Variants in ZNF287 observed in about 807,000 individuals in gnomAD.
ZNF287 encodes zinc finger protein 287, also known as zinc finger protein with KRAB and SCAN domains 13.
A neutral mutation model predicts 73.7 loss-of-function variants in ZNF287; 31 were observed. That is an observed-to-expected ratio of 0.42 (90% CI 0.32 to 0.57). The LOEUF is 0.57. Ranked by LOEUF, ZNF287 falls within the 20% of genes least tolerant of loss-of-function variation. The pLI, the probability that ZNF287 is intolerant of heterozygous loss-of-function variation, is 0.13. For missense variants in ZNF287, 641 were observed against 909.3 expected, an observed-to-expected ratio of 0.70 and a Z score of 3.79; for synonymous variants, 301 against 307.2, an observed-to-expected ratio of 0.98 and a Z score of 0.21.
At chr17:16,555,747 T>C (rs922338503) in intron 5 of ZNF287, among the ~76,000 whole-genome samples, 1 of 152,166 alleles carries the variant, frequency 6.6e-6, no homozygotes, top group Non-Finnish European at 1.5e-5. Context: ...TATAATTACT[T>C]AACACAAAAT....
At chr17:16,559,258 AT>A (rs1907267651) in intron 5 of ZNF287, 1 of 152,068 alleles carries the variant, frequency 6.6e-6, no homozygotes. Flanking sequence ...ATACTCAAAA[AT>A]GTAAATTAAA....
chr17:16,559,954 A>ATT (rs1345466402), intron 5 of ZNF287, among the ~76,000 whole-genome samples: 39 of 152,024 alleles, frequency 2.6e-4, no homozygotes, highest in African/African-American at 9.4e-4. Flanking sequence ...ATATATATAT[A>ATT]TATTTTTCTT....
chr17:16,560,590 C>T (rs1287633844), intron 5 of ZNF287, among the ~76,000 whole-genome samples: 11 of 151,850 alleles, frequency 7.2e-5, no homozygotes, highest in East Asian at 1.9e-4. Flanking sequence ...CTTCGTGATC[C>T]GCCCACCTTG....
chr17:16,561,742 G>A (rs1160295831), intron 5 of ZNF287, among the ~76,000 whole-genome samples: 2 of 151,912 alleles, frequency 1.3e-5, no homozygotes, highest in African/African-American at 2.4e-5. Context: ...AAAGAAAAAA[G>A]GCTGGGCAAC....
At chr17:16,568,406 G>A (rs924896936) in intron 1 of ZNF287, among the ~76,000 whole-genome samples, 1 of 152,150 alleles carries the variant, frequency 6.6e-6, no homozygotes, top group Non-Finnish European at 1.5e-5. Context: ...GCATGTTAAT[G>A]CCAGCCGATT....
Position 16,552,763 on chromosome 17 carries a change from T to C in ZNF287, c.1379A>G (p.Asp460Gly). The C allele has an allele frequency of 6.2e-7, 1 of 1,613,730 alleles. No individual in the cohort carries two copies. Among genetic ancestry groups the C allele is most frequent in the Non-Finnish European group, 8.5e-7 (1 of 1,179,850 alleles). Reference protein sequence around the residue: ...KPYKCDDCGKDFSQRAHLTIH... With the variant: ...KPYKCDDCGKGFSQRAHLTIH... ...GGTAAGGTGTGCACGCTGACTGAAG[T>C]CTTTCCCACAGTCATCACACTTATA... The change falls in exon 6 of 6, where the codon GAC becomes GGC. Residue 460 changes from aspartate (D) to glycine (G), a missense_variant. Coordinates refer to ENST00000395825, the MANE Select transcript of ZNF287 (RefSeq NM_020653.4). The surrounding 1 kb of genome is among the most constrained non-coding windows in gnomAD (Gnocchi z 6.5).
chr17:16,564,113 T>G lies in ZNF287; in HGVS notation c.502-288A>C, dbSNP rs541925467. Among the ~76,000 whole-genome samples, 7 of 152,334 alleles carry G rather than the reference T, an allele frequency of 4.6e-5. No individual in the cohort carries two copies. The East Asian group carries it at 1.3e-3, about 29-fold the overall frequency. On this transcript the variant is annotated intron_variant, in intron 3 of 5. Coordinates refer to ENST00000395825, the MANE Select transcript of ZNF287 (RefSeq NM_020653.4). ...ACAGAAAAGGTTTATCATTACTATT[T>G]TTAAAAGAGACAGAGTCTCGCTCTG...
chr17:16,555,348 C>T (rs367877034), intron 5 of ZNF287, among the ~76,000 whole-genome samples: 2 of 152,110 alleles, frequency 1.3e-5, no homozygotes, highest in Non-Finnish European at 2.9e-5. Context: ...GTCATACATG[C>T]AGTTTGTTGT....
chr17:16,563,794 T>C lies in ZNF287; in HGVS notation c.533A>G (p.Asp178Gly). The change falls in exon 4 of 6, where the codon GAC becomes GGC. Residue 178 changes from aspartate (D) to glycine (G), a missense_variant. By Grantham distance (94) the Asp-to-Gly change is moderately conservative. Around this residue, in one of 2 missense-constraint regions of ZNF287, gnomAD observed 357 missense variants for 442.4 expected, o/e 0.81. Transcript: ENST00000395825. ...ESMTFKDVAV[D>G]ITQEDWELMR... ...TAACTCCCAGTCCTCCTGGGTGATGTCTACAGCCACATCTTTGAATGTCAT... is the reference window on the plus strand; with the variant it reads ...TAACTCCCAGTCCTCCTGGGTGATGCCTACAGCCACATCTTTGAATGTCAT... 1 of 1,613,946 alleles carries C rather than the reference T, an allele frequency of 6.2e-7. No homozygotes were observed. Among genetic ancestry groups the C allele is most frequent in the Non-Finnish European group, 8.5e-7 (1 of 1,179,872 alleles).
intron 5 of ZNF287, among the ~76,000 whole-genome samples, chr17:16,556,165 G>GACACACACACACACACACACAC (rs137989045): frequency 7.7e-4 from 111 of 144,304 alleles, no homozygotes; most frequent in African/African-American, 2.7e-3. Flanking sequence ...GACAGACACA[G>GACACACACACACACACACACAC]ACACACACAC....
rs1012532863 is a variant in ZNF287, at chr17:16,568,984, A to C, written c.-231T>G. ...TGGGACCCGGCCGACGGGCAGCCGG[A>C]GCGGCCCTAAGGCCACAGGCAACAA... On this transcript the variant is annotated 5_prime_UTR_variant, in exon 1 of 6. Coordinates refer to ENST00000395825, the MANE Select transcript of ZNF287 (RefSeq NM_020653.4). 6.6e-5 allele frequency: 10 copies of C among 152,316 alleles called. No homozygotes were observed. Among genetic ancestry groups the C allele is most frequent in the African/African-American group, 2.4e-4 (10 of 41,448 alleles). 9.4% of individuals were successfully genotyped at this position (152,316 alleles called of 1,614,324 possible). A position where few individuals can be genotyped will look rare whatever the true frequency, so the allele number is the denominator to read the frequency against.
At chr17:16,561,191 C>G (rs1309741707) in intron 5 of ZNF287, among the ~76,000 whole-genome samples, 7 of 151,850 alleles carry the variant, frequency 4.6e-5, no homozygotes, top group Non-Finnish European at 8.8e-5. Context: ...GCACATGCCT[C>G]TAATCCCAGC....
At position 16,551,211 on chromosome 17, in the gene ZNF287, T is replaced by C. The variant is rs553821456; in HGVS notation, c.*645A>G. On this transcript the variant is annotated 3_prime_UTR_variant, in exon 6 of 6. Coordinates refer to ENST00000395825, the MANE Select transcript of ZNF287 (RefSeq NM_020653.4). ...TTTACATATTTTAAGGCTTCAAAGC[T>C]GGGAATAAAAGGCCTGAAAGCAGCT... Among the ~76,000 whole-genome samples the C allele has an allele frequency of 5.2e-4, 79 of 152,198 alleles. No homozygotes were observed. The highest frequency in any genetic ancestry group is 1.6e-3 in the African/African-American group (65 of 41,532).
chr17:16,566,462 G>A (rs1009787292), intron 3 of ZNF287, 63 bp downstream of exon 3: 2 of 1,397,440 alleles, frequency 1.4e-6, no homozygotes, highest in African/African-American at 2.9e-5. Context: ...ATAGGGCCAG[G>A]TCAGAAAATG....
chr17:16,553,168 G>A lies in ZNF287; in HGVS notation c.974C>T (p.Ser325Leu). 1 of 1,606,864 alleles carries A rather than the reference G, an allele frequency of 6.2e-7. No homozygotes were observed. The highest frequency in any genetic ancestry group is 8.5e-7 in the Non-Finnish European group (1 of 1,173,728). The change falls in exon 6 of 6, where the codon TCA becomes TTA. Residue 325 changes from serine (S) to leucine (L), a missense_variant. Physicochemically the swap from Ser to Leu is moderately radical, Grantham distance 145 (BLOSUM62 -2). Around this residue, in one of 2 missense-constraint regions of ZNF287, gnomAD observed 357 missense variants for 442.4 expected, o/e 0.81. Transcript: ENST00000395825. ...GGTATCAAACTGTACAATTAGGTTT[G>A]AATGCTTTTCAAAATTATTTCTATA... ...DIYRNNFEKH[S>L]NLIVQFDTQL...
chr17:16,553,475 A>G (rs1183173099), intron 5 of ZNF287, 49 bp from the exon 6 acceptor site: 10 of 1,351,524 alleles, frequency 7.4e-6, no homozygotes. Flanking sequence ...GGAGAAAGGA[A>G]ACTGCCAAAA....
intron 5 of ZNF287, among the ~76,000 whole-genome samples, chr17:16,554,962 G>A (rs1194717541): frequency 6.7e-6 from 1 of 148,524 alleles, no homozygotes; most frequent in Non-Finnish European, 1.5e-5. Flanking sequence ...AATTATGTAG[G>A]AAATTGCCTT....
At position 16,553,243 on chromosome 17, in the gene ZNF287, A is replaced by G; in HGVS notation, c.899T>C (p.Leu300Pro). The change falls in exon 6 of 6, where the codon CTT becomes CCT. Residue 300 changes from leucine to proline, a missense_variant. Coordinates refer to ENST00000395825, the MANE Select transcript of ZNF287 (RefSeq NM_020653.4). ...TTCTGTAGGATCATATTCTTGTGAA[A>G]GGACTGACTTCAAACTGAAACCTCT... ...DERGFSLKSV[L>P]SQEYDPTEEC... 1 of 1,612,700 alleles carries G rather than the reference A, an allele frequency of 6.2e-7. No homozygotes were observed. The highest frequency in any genetic ancestry group is 8.5e-7 in the Non-Finnish European group (1 of 1,178,838).
In ZNF287 at chr17:16,553,158, A is replaced by G; in HGVS notation, c.984T>C (p.Ile328=). 7 of 1,608,564 alleles carry G rather than the reference A, an allele frequency of 4.4e-6. No homozygotes were observed. Among genetic ancestry groups the G allele is most frequent in the Non-Finnish European group, 6.0e-6 (7 of 1,175,060 alleles). Reference sequence around the variant, plus strand: ...TATCTAATTGGGTATCAAACTGTACAATTAGGTTTGAATGCTTTTCAAAAT... The same window carrying G: ...TATCTAATTGGGTATCAAACTGTACGATTAGGTTTGAATGCTTTTCAAAAT... ...RNNFEKHSNL[I]VQFDTQLDNK... Residue 328 remains isoleucine (I), a synonymous_variant, in exon 6 of 6, where the codon ATT becomes ATC. Coordinates refer to ENST00000395825, the MANE Select transcript of ZNF287 (RefSeq NM_020653.4).
Sources: allele counts gnomAD v4.1 joint callset (sites outside exome capture counted in the v4.1 genomes callset), GRCh38; gene constraint gnomAD v4.1.1; regional missense constraint gnomAD v4.1.1; non-coding constraint Gnocchi (gnomAD v3.1); transcripts MANE v1.5; gene names NCBI Gene and HGNC (gene_info 2026-07-23, HGNC 2026-07-21).